The following CCDC88C variants were observed in gnomAD, a reference collection of about 807,000 sequenced individuals.
CCDC88C encodes coiled-coil and HOOK domain protein 88C.
In CCDC88C, 131 loss-of-function variants were observed where a neutral mutation model predicts 198.8. The ratio of observed to expected loss-of-function variants is 0.66; its 90% confidence interval spans 0.57 to 0.76. The LOEUF (loss-of-function observed/expected upper bound fraction) is 0.76, where lower values mean the gene tolerates loss of function less well. Ranked by LOEUF, CCDC88C falls within the 30% of genes least tolerant of loss-of-function variation. CCDC88C has a pLI of 0.00. For synonymous variants in CCDC88C, 1,166 were observed against 1,114.7 expected (o/e 1.05, Z -0.92); for missense variants, 2,553 against 2,631.6 (o/e 0.97, Z 0.65).
At chr14:91,408,102 A>C (rs1886602794) in intron 3 of CCDC88C, 2 of 152,622 alleles carry the variant, frequency 1.3e-5, no homozygotes. Flanking sequence ...GCAAATCCCC[A>C]TCAGGCTGGC....
intron 4 of CCDC88C, among the ~76,000 whole-genome samples, chr14:91,345,153 C>G (rs1156786298): frequency 7.0e-6 from 1 of 142,354 alleles, no homozygotes; most frequent in Non-Finnish European, 1.5e-5. Context: ...AATACCCCTT[C>G]CAGAGGTTCA....
At chr14:91,376,703 G>A (rs2139940833) in intron 3 of CCDC88C, among the ~76,000 whole-genome samples, 1 of 152,318 alleles carries the variant, frequency 6.6e-6, no homozygotes, top group Admixed American at 6.5e-5. Flanking sequence ...GGGAGGCCCA[G>A]GGGTCCCCTG....
chr14:91,387,001 T>C (rs75565643), intron 3 of CCDC88C, among the ~76,000 whole-genome samples: 16 of 152,354 alleles, frequency 1.1e-4, no homozygotes, highest in African/African-American at 3.6e-4. Flanking sequence ...TTAAATATAC[T>C]AACTTATTTA....
chr14:91,342,325 G>C, intron 6 of CCDC88C, 55 bp downstream of exon 6: 1 of 1,136,256 alleles, frequency 8.8e-7, no homozygotes, highest in Non-Finnish European at 1.3e-6. Context: ...TTGCCTCCCG[G>C]CCACCACAGG....
At position 91,281,506 on chromosome 14, in the gene CCDC88C, G is replaced by T. The variant is rs747189596; in HGVS notation, c.4650C>A (p.Asn1550Lys). 19 of 1,613,816 alleles carry T rather than the reference G, an allele frequency of 1.2e-5. No individual in the cohort carries two copies. In the African/African-American group the frequency reaches 1.5e-4, roughly 12 times the overall value. The stretch of plus-strand genomic sequence containing the variant: ...CAAACTCCAGGGATGGCTCACAGAG[G>T]TTGTCATCTGAGTTATAGCCTAAGG... ...GRTKGYNSDD[N>K]LCEPSLEFEV... Residue 1550 changes from asparagine to lysine, a missense_variant, in exon 27 of 30, where the codon AAC becomes AAA. This residue lies in a region of CCDC88C where 1,293 missense variants were observed against 1,219.6 expected (regional missense o/e 1.06). Coordinates refer to ENST00000389857, the MANE Select transcript of CCDC88C (RefSeq NM_001080414.4).
At chr14:91,322,294 G>T (rs573702767) in intron 12 of CCDC88C, among the ~76,000 whole-genome samples, 1 of 152,272 alleles carries the variant, frequency 6.6e-6, no homozygotes, top group African/African-American at 2.4e-5. Context: ...AGATTCCCCG[G>T]GTGATCATAA....
chr14:91,293,531 TGCCACG>T (rs1567055757), intron 23 of CCDC88C, among the ~76,000 whole-genome samples: 555 of 13,828 alleles, frequency 0.04, 132 homozygotes, highest in Admixed American at 0.062. Flanking sequence ...TCCCCTCACC[TGCCACG>T]GCCCACCTTC....
At chr14:91,307,696 G>A (rs1171653844) in intron 17 of CCDC88C, among the ~76,000 whole-genome samples, 1 of 152,234 alleles carries the variant, frequency 6.6e-6, no homozygotes, top group East Asian at 1.9e-4. Flanking sequence ...AGGGGGGAGT[G>A]TGCACACCTG....
chr14:91,379,916 G>T, intron 3 of CCDC88C: 1 of 703,012 alleles, frequency 1.4e-6, no homozygotes, highest in Admixed American at 2.0e-5. Flanking sequence ...TTTTACTAAA[G>T]GAAAAGGCGT....
At chr14:91,305,259 T>C (rs1818760776) in intron 19 of CCDC88C, among the ~76,000 whole-genome samples, 2 of 152,148 alleles carry the variant, frequency 1.3e-5, no homozygotes, top group Non-Finnish European at 2.9e-5. Flanking sequence ...AGGCGATAAA[T>C]GAAAACAAGC....
intron 4 of CCDC88C, among the ~76,000 whole-genome samples, chr14:91,351,248 G>C (rs1240308592): frequency 1.3e-5 from 2 of 152,100 alleles, no homozygotes; most frequent in Non-Finnish European, 2.9e-5. Context: ...CCCTGGTTTT[G>C]TACTTAAAAA....
At chr14:91,287,346 G>A (rs1201747524) in intron 25 of CCDC88C, among the ~76,000 whole-genome samples, 1 of 152,054 alleles carries the variant, frequency 6.6e-6, no homozygotes, top group South Asian at 2.1e-4. Flanking sequence ...CCTGAACAAT[G>A]TGCGTGAACA....
At chr14:91,412,714 C>T (rs946726417) in intron 2 of CCDC88C, among the ~76,000 whole-genome samples, 12 of 152,136 alleles carry the variant, frequency 7.9e-5, no homozygotes, top group South Asian at 4.1e-4. Flanking sequence ...GCATTACAGG[C>T]GTGAGCCACC....
chr14:91,405,181 G>A (rs1406198648), intron 3 of CCDC88C, among the ~76,000 whole-genome samples: 3 of 152,132 alleles, frequency 2.0e-5, no homozygotes, highest in Non-Finnish European at 2.9e-5. Context: ...GTCAACTTGA[G>A]CATCCTAGCG....
rs1362299425 is a variant in CCDC88C, at chr14:91,281,510, T to A, written c.4646A>T (p.Asp1549Val). ...CTCCAGGGATGGCTCACAGAGGTTG[T>A]CATCTGAGTTATAGCCTAAGGTGAA... The part of the protein sequence containing the change: ...PGRTKGYNSD[D>V]NLCEPSLEFE... The change falls in exon 27 of 30, where the codon GAC (aspartate) becomes GTC (valine). Residue 1549 changes from aspartate to valine, a missense_variant. Coordinates refer to ENST00000389857, the MANE Select transcript of CCDC88C (RefSeq NM_001080414.4). 1.2e-6 allele frequency: 2 copies of A among 1,613,882 alleles called. No homozygotes were observed. The highest frequency in any genetic ancestry group is 1.7e-6 in the Non-Finnish European group (2 of 1,179,806).
At chr14:91,299,889 G>C (rs1229467718) in intron 21 of CCDC88C, 38 bp downstream of exon 21, 1 of 1,543,090 alleles carries the variant, frequency 6.5e-7, no homozygotes, top group East Asian at 2.3e-5. Flanking sequence ...ACAGAATCTG[G>C]GGTGCTGCTA....
chr14:91,328,192 G>T (rs1892657070), intron 10 of CCDC88C, among the ~76,000 whole-genome samples: 1 of 152,244 alleles, frequency 6.6e-6, no homozygotes. Flanking sequence ...AGATGGCCAG[G>T]AGTGGGAGAT....
At chr14:91,303,316 CAGG>C (rs1891395870) in intron 20 of CCDC88C, among the ~76,000 whole-genome samples, 1 of 146,614 alleles carries the variant, frequency 6.8e-6, no homozygotes, top group Non-Finnish European at 1.6e-5. Context: ...ACCTCTGCTC[CAGG>C]CTCCACCTCT....
chr14:91,324,402 A>G (rs1437892065), intron 12 of CCDC88C, among the ~76,000 whole-genome samples: 3 of 152,244 alleles, frequency 2.0e-5, no homozygotes, highest in Admixed American at 2.0e-4. Context: ...CCCTGGGTAC[A>G]TTTATAGCAG....
Sources: gnomAD v4.1 joint callset for allele counts (sites outside exome capture counted in the v4.1 genomes callset) on GRCh38, gnomAD v4.1.1 for gene constraint, gnomAD v4.1.1 regional missense constraint, MANE v1.5 for transcripts, NCBI Gene and HGNC (gene_info 2026-07-23, HGNC 2026-07-21) for gene names.